Variants in GRIN3A observed in about 807,000 individuals in gnomAD.
GRIN3A encodes glutamate receptor ionotropic, NMDA 3A.
In GRIN3A, 47 loss-of-function variants were observed where a neutral mutation model predicts 92.4. That is an observed-to-expected ratio of 0.51 (90% CI 0.40 to 0.65). GRIN3A has a LOEUF of 0.65. GRIN3A is among the 30% of genes least tolerant of loss of function. The pLI is 0.00. For synonymous variants in GRIN3A, 527 were observed against 540.6 expected, an observed-to-expected ratio of 0.97 and a Z score of 0.35; for missense variants, 1,324 against 1,393.1, an observed-to-expected ratio of 0.95 and a Z score of 0.79.
chr9:101,719,150 G>A (rs1829979655), intron 1 of GRIN3A, among the ~76,000 whole-genome samples: 1 of 152,118 alleles, frequency 6.6e-6, no homozygotes, highest in Non-Finnish European at 1.5e-5. Flanking sequence ...CGGGCGCAGT[G>A]GCTCATGCCT....
intron 3 of GRIN3A, among the ~76,000 whole-genome samples, chr9:101,638,042 A>G (rs1300631314): frequency 2.0e-5 from 3 of 152,198 alleles, no homozygotes; most frequent in Non-Finnish European, 4.4e-5. Flanking sequence ...TTTATAAAAT[A>G]AGTTTCTAGT....
At chr9:101,725,993 G>A (rs560219301) in intron 1 of GRIN3A, among the ~76,000 whole-genome samples, 3 of 152,110 alleles carry the variant, frequency 2.0e-5, no homozygotes, top group South Asian at 2.1e-4. Flanking sequence ...TTATTTGTTT[G>A]CATGTCTTAT....
At chr9:101,735,974 T>G (rs1830199820) in intron 1 of GRIN3A, among the ~76,000 whole-genome samples, 1 of 152,218 alleles carries the variant, frequency 6.6e-6, no homozygotes. Flanking sequence ...AATGTAAGAT[T>G]TATTTTCTTC....
At chr9:101,707,141 T>C (rs189753272) in intron 1 of GRIN3A, among the ~76,000 whole-genome samples, 79 of 152,322 alleles carry the variant, frequency 5.2e-4, no homozygotes, top group African/African-American at 1.9e-3. Context: ...AGGTTAAAAA[T>C]GTAGTGCAAA....
intron 8 of GRIN3A, among the ~76,000 whole-genome samples, chr9:101,577,482 T>C (rs1204330048): frequency 6.6e-6 from 1 of 152,200 alleles, no homozygotes; most frequent in African/African-American, 2.4e-5. Context: ...TGCAGAGAGA[T>C]TAAATAAGTG....
At chr9:101,688,535 G>C (rs574795755) in intron 1 of GRIN3A, among the ~76,000 whole-genome samples, 1 of 152,142 alleles carries the variant, frequency 6.6e-6, no homozygotes, top group South Asian at 2.1e-4. Flanking sequence ...AACAGGGATG[G>C]GGAATTAGAA....
At chr9:101,580,302 A>C (rs1001514396) in intron 6 of GRIN3A, among the ~76,000 whole-genome samples, 3 of 152,096 alleles carry the variant, frequency 2.0e-5, no homozygotes, top group African/African-American at 7.2e-5. Context: ...CTCCTGGCCA[A>C]ATTTATGAAG....
In GRIN3A at chr9:101,577,955, C is replaced by A. The variant is rs78281926; in HGVS notation, c.2932-111G>T. 4.7e-4 allele frequency: 367 copies of A among 779,118 alleles called. 3 individuals are homozygous for A. The East Asian group carries it at 8.8e-3, about 19-fold the overall frequency. The allele number at this position is 779,118 out of a possible 1,614,324, so 48.3% of individuals were successfully genotyped here. On this transcript the variant is annotated intron_variant, in intron 7 of 8. Coordinates refer to ENST00000361820, the MANE Select transcript of GRIN3A (RefSeq NM_133445.3). ...ATGTAGTCGTTACAAACCTTGGCCT[C>A]TTTAAACAAATTCCAGAAATGCCTA...
At chr9:101,735,866 A>C (rs181312288) in intron 1 of GRIN3A, among the ~76,000 whole-genome samples, 2 of 152,170 alleles carry the variant, frequency 1.3e-5, no homozygotes, top group African/African-American at 4.8e-5. Context: ...ATAAAAGTTA[A>C]TTAGCCTGCA....
intron 1 of GRIN3A, among the ~76,000 whole-genome samples, chr9:101,707,072 C>G (rs1191019526): frequency 6.6e-6 from 1 of 152,180 alleles, no homozygotes. Flanking sequence ...GCAAAAGATG[C>G]CAGTATCTCC....
intron 5 of GRIN3A, among the ~76,000 whole-genome samples, chr9:101,617,606 T>C (rs1828478894): frequency 6.6e-6 from 1 of 152,062 alleles, no homozygotes; most frequent in African/African-American, 2.4e-5. Context: ...TGATATTTTA[T>C]TTTATTTTAT....
At chr9:101,637,831 C>A (rs1260643813) in intron 3 of GRIN3A, among the ~76,000 whole-genome samples, 1 of 152,084 alleles carries the variant, frequency 6.6e-6, no homozygotes, top group African/African-American at 2.4e-5. Context: ...CTGATCTAGG[C>A]AGGAAGGTGA....
chr9:101,579,361 C>T lies in GRIN3A; in HGVS notation c.2767-1G>A. On this transcript the variant is annotated splice_acceptor_variant, in intron 6 of 8. Coordinates refer to ENST00000361820, the MANE Select transcript of GRIN3A (RefSeq NM_133445.3). LOFTEE classifies it high-confidence loss of function. ...AGTGTTTGATGCCCATTTGCAAAGTCTGTGACAGAATAGGAAAGAAAAGGC... is the reference window on the plus strand; with the variant it reads ...AGTGTTTGATGCCCATTTGCAAAGTTTGTGACAGAATAGGAAAGAAAAGGC... 1.2e-6 allele frequency: 2 copies of T among 1,613,820 alleles called. No homozygotes were observed. The highest frequency in any genetic ancestry group is 1.7e-6 in the Non-Finnish European group (2 of 1,179,806).
chr9:101,591,115 A>G (rs1828017883), intron 6 of GRIN3A, among the ~76,000 whole-genome samples: 1 of 152,228 alleles, frequency 6.6e-6, no homozygotes, highest in South Asian at 2.1e-4. Context: ...CTATAGCCTC[A>G]GAGCATATTG....
intron 5 of GRIN3A, among the ~76,000 whole-genome samples, chr9:101,622,992 C>G: frequency 1.6e-5 from 1 of 64,226 alleles, no homozygotes; most frequent in Non-Finnish European, 2.8e-5. Context: ...CACCCTGCCA[C>G]TAAACACACA....
At chr9:101,576,686 T>C (rs1383815874) in intron 8 of GRIN3A, among the ~76,000 whole-genome samples, 1 of 152,146 alleles carries the variant, frequency 6.6e-6, no homozygotes, top group Non-Finnish European at 1.5e-5. Flanking sequence ...GGAACAGCTG[T>C]GACTGGACTA....
At chr9:101,615,618 T>C (rs1024378866) in intron 5 of GRIN3A, among the ~76,000 whole-genome samples, 1 of 152,002 alleles carries the variant, frequency 6.6e-6, no homozygotes, top group African/African-American at 2.4e-5. Flanking sequence ...GCCTCCCAAA[T>C]TGCTGGGATT....
At chr9:101,650,548 A>C (rs555061578) in intron 3 of GRIN3A, among the ~76,000 whole-genome samples, 2 of 152,134 alleles carry the variant, frequency 1.3e-5, no homozygotes, top group East Asian at 3.9e-4. Context: ...GCTGATCCCA[A>C]AATAGGTAAG....
At chr9:101,655,019 A>T (rs1389952718) in intron 3 of GRIN3A, among the ~76,000 whole-genome samples, 3 of 151,932 alleles carry the variant, frequency 2.0e-5, no homozygotes, top group African/African-American at 7.2e-5. Flanking sequence ...TTTAAAAAGT[A>T]ATTTGTATAC....
Sources: gnomAD v4.1 joint callset for allele counts (sites outside exome capture counted in the v4.1 genomes callset) on GRCh38, gnomAD v4.1.1 for gene constraint, MANE v1.5 for transcripts, NCBI Gene and HGNC (gene_info 2026-07-23, HGNC 2026-07-21) for gene names.